Variants in NAV2 observed in about 807,000 individuals in gnomAD.
The protein encoded by NAV2 is helicase, APC down-regulated 1.
A neutral mutation model predicts 223.2 loss-of-function variants in NAV2; 54 were observed. The ratio of observed to expected loss-of-function variants is 0.24; its 90% confidence interval spans 0.19 to 0.30. NAV2 has a LOEUF of 0.30. Ranked by LOEUF, NAV2 falls within the 10% of genes least tolerant of loss-of-function variation. The pLI is 1.00. For synonymous variants in NAV2, 1,279 were observed against 1,239.3 expected (o/e 1.03, Z -0.67); for missense variants, 2,806 against 3,147.5 (o/e 0.89, Z 2.60).
chr11:19,695,919 G>T (rs1001437003), intron 1 of NAV2, among the ~76,000 whole-genome samples: 1 of 13,162 alleles, frequency 7.6e-5, no homozygotes, highest in African/African-American at 1.5e-4. Flanking sequence ...ATAAAATAAA[G>T]ACACTAGATG....
At chr11:19,841,984 A>G (rs992812321) in intron 2 of NAV2, among the ~76,000 whole-genome samples, 1 of 152,212 alleles carries the variant, frequency 6.6e-6, no homozygotes, top group African/African-American at 2.4e-5. Context: ...AGGTCGAGTG[A>G]CATGCCTGAT....
At position 20,045,041 on chromosome 11, in the gene NAV2, A is replaced by G; in HGVS notation, c.3273A>G (p.Pro1091=). 2 of 1,614,138 alleles carry G rather than the reference A, an allele frequency of 1.2e-6. No individual in the cohort carries two copies. Among genetic ancestry groups the G allele is most frequent in the Non-Finnish European group, 1.7e-6 (2 of 1,180,020 alleles). The stretch of plus-strand genomic sequence containing the variant: ...AAGCCTCCCAGGTGAAGCGCTCCCC[A>G]TCAGATGCAGGCCGGAGCAGTGGTG... The part of the protein sequence containing the change: ...SPKASQVKRS[P]SDAGRSSGDE... Residue 1091 remains proline (P), a synonymous_variant, in exon 14 of 38, where the codon CCA becomes CCG. Coordinates refer to ENST00000349880, the MANE Select transcript of NAV2 (RefSeq NM_145117.5).
intron 7 of NAV2, among the ~76,000 whole-genome samples, chr11:19,937,105 A>T (rs1025839995): frequency 6.6e-6 from 1 of 152,100 alleles, no homozygotes; most frequent in African/African-American, 2.4e-5. Context: ...GCCACTGCAC[A>T]CCAGCCTGGG....
chr11:19,732,813 A>T (rs959146804), intron 1 of NAV2, among the ~76,000 whole-genome samples: 10 of 152,200 alleles, frequency 6.6e-5, no homozygotes, highest in Non-Finnish European at 1.5e-4. Flanking sequence ...CAGCCTCTGC[A>T]GGGTCAGGGA....
chr11:19,764,804 A>G (rs192111243), intron 1 of NAV2, among the ~76,000 whole-genome samples: 7 of 152,344 alleles, frequency 4.6e-5, no homozygotes, highest in Non-Finnish European at 1.0e-4. Flanking sequence ...TCTCAAGTTC[A>G]TCTCACAGAC....
intron 1 of NAV2, chr11:19,510,989 C>T (rs1276047255): frequency 6.6e-6 from 1 of 152,226 alleles, no homozygotes; most frequent in Admixed American, 6.5e-5. Flanking sequence ...TGTGTGTTCA[C>T]ATGCTCCATG....
At chr11:19,558,388 C>T (rs568028042) in intron 1 of NAV2, among the ~76,000 whole-genome samples, 61 of 152,334 alleles carry the variant, frequency 4.0e-4, no homozygotes, top group African/African-American at 1.4e-3. Context: ...CAGGGCCTCT[C>T]TCTCCAGCAC....
intron 6 of NAV2, among the ~76,000 whole-genome samples, chr11:19,913,758 G>C (rs1591210427): frequency 9.5e-6 from 1 of 105,774 alleles, no homozygotes; most frequent in East Asian, 3.4e-4. Flanking sequence ...CCATCGCAGT[G>C]CTTCCTTTTA....
intron 1 of NAV2, among the ~76,000 whole-genome samples, chr11:19,627,041 G>T (rs2047191326): frequency 6.6e-6 from 1 of 152,194 alleles, no homozygotes; most frequent in Non-Finnish European, 1.5e-5. Flanking sequence ...TGCTAAAGTG[G>T]TGTTTGAAGA....
intron 25 of NAV2, among the ~76,000 whole-genome samples, chr11:20,082,796 G>A (rs1357433860): frequency 6.6e-6 from 1 of 152,200 alleles, no homozygotes; most frequent in African/African-American, 2.4e-5. Flanking sequence ...GGCATGGAAT[G>A]TTACCCACAG....
At chr11:19,463,389 G>A (rs1348926055) in intron 1 of NAV2, among the ~76,000 whole-genome samples, 1 of 152,210 alleles carries the variant, frequency 6.6e-6, no homozygotes, top group Non-Finnish European at 1.5e-5. Context: ...TCCCATGCCT[G>A]TGTCAGACAT....
chr11:19,806,153 T>C (rs1440862219), intron 1 of NAV2, among the ~76,000 whole-genome samples: 1 of 152,250 alleles, frequency 6.6e-6, no homozygotes, highest in East Asian at 1.9e-4. Context: ...CACACTCTTA[T>C]ATGAAAATAA....
At chr11:19,552,646 G>A (rs1247356547) in intron 1 of NAV2, among the ~76,000 whole-genome samples, 1 of 152,218 alleles carries the variant, frequency 6.6e-6, no homozygotes, top group Non-Finnish European at 1.5e-5. Flanking sequence ...AGGACGGTAG[G>A]ACCATAAATT....
At chr11:19,594,529 T>G (rs2046152163) in intron 1 of NAV2, among the ~76,000 whole-genome samples, 1 of 151,846 alleles carries the variant, frequency 6.6e-6, no homozygotes, top group South Asian at 2.1e-4. Flanking sequence ...GAAAGCACAG[T>G]AACGAGTCAG....
intron 11 of NAV2, among the ~76,000 whole-genome samples, chr11:20,028,720 G>T (rs1346805050): frequency 6.6e-6 from 1 of 152,278 alleles, no homozygotes; most frequent in Non-Finnish European, 1.5e-5. Flanking sequence ...GAAAATGGGG[G>T]TGGAATAATA....
intron 3 of NAV2, among the ~76,000 whole-genome samples, chr11:19,868,043 T>C (rs1483159393): frequency 1.3e-5 from 2 of 152,122 alleles, no homozygotes; most frequent in African/African-American, 4.8e-5. Flanking sequence ...TAAATACTGA[T>C]TTGAGTTCAT....
intron 4 of NAV2, among the ~76,000 whole-genome samples, chr11:19,876,332 T>G (rs958483377): frequency 1.3e-5 from 2 of 152,182 alleles, no homozygotes; most frequent in African/African-American, 4.8e-5. Context: ...GGCCTCATTT[T>G]CTCATTTAAT....
At chr11:20,042,971 G>A (rs1424767525) in intron 12 of NAV2, among the ~76,000 whole-genome samples, 1 of 152,150 alleles carries the variant, frequency 6.6e-6, no homozygotes, top group Non-Finnish European at 1.5e-5. Flanking sequence ...ATGGCCAGCA[G>A]GTCAGGGCTC....
intron 1 of NAV2, among the ~76,000 whole-genome samples, chr11:19,759,400 TTAATG>T (rs1408536968): frequency 1.3e-5 from 2 of 152,176 alleles, no homozygotes; most frequent in African/African-American, 4.8e-5. Context: ...GAAAGACACT[TTAATG>T]ATAATCTTGT....
Sources: gnomAD v4.1 joint callset for allele counts (sites outside exome capture counted in the v4.1 genomes callset) on GRCh38, gnomAD v4.1.1 for gene constraint, MANE v1.5 for transcripts, NCBI Gene and HGNC (gene_info 2026-07-23, HGNC 2026-07-21) for gene names.